The following RGS6 variants were observed in gnomAD, a reference collection of about 807,000 sequenced individuals.
The protein encoded by RGS6 is regulator of G protein signaling 6, also known as regulator of G-protein signaling 6.
Under a neutral mutation model 78.5 loss-of-function variants are expected in RGS6, and 30 were observed. The observed-to-expected ratio is 0.38, with a 90% CI of 0.29 to 0.52. The LOEUF is 0.52. Ranked by LOEUF, RGS6 falls within the 20% of genes least tolerant of loss-of-function variation. The pLI is 0.85. For synonymous variants in RGS6, 206 were observed against 206.0 expected, an observed-to-expected ratio of 1.00 and a Z score of 0.00; for missense variants, 495 against 609.7, an observed-to-expected ratio of 0.81 and a Z score of 1.98.
chr14:72,480,973 A>C (rs1404753116), intron 12 of RGS6, among the ~76,000 whole-genome samples: 1 of 152,172 alleles, frequency 6.6e-6, no homozygotes, highest in African/African-American at 2.4e-5. Context: ...GGTTGGACTA[A>C]AGGGTGCATC....
At chr14:72,137,708 T>G (rs1337833748) in intron 2 of RGS6, among the ~76,000 whole-genome samples, 5 of 152,228 alleles carry the variant, frequency 3.3e-5, no homozygotes, top group Admixed American at 3.3e-4. Context: ...GGAAGCATCC[T>G]GAGTGCAGGA....
rs183950353 is a variant in RGS6, at chr14:72,197,963, A to G, written c.85-154132A>G. Among the ~76,000 whole-genome samples the G allele has an allele frequency of 2.6e-3, 394 of 152,110 alleles. 1 individual carries two copies. The highest frequency in any genetic ancestry group is 9.3e-3 in the African/African-American group (385 of 41,540). On this transcript the variant is annotated intron_variant, in intron 2 of 17. Transcript: ENST00000553525. ...TAATATTTTATATTTTTCATATTATATAATTTTTGTTATTATATTTTAATT... is the reference window on the plus strand; with the variant it reads ...TAATATTTTATATTTTTCATATTATGTAATTTTTGTTATTATATTTTAATT...
At chr14:72,503,904 C>T (rs2096762891) in intron 13 of RGS6, among the ~76,000 whole-genome samples, 2 of 152,214 alleles carry the variant, frequency 1.3e-5, no homozygotes, top group Admixed American at 1.3e-4. Flanking sequence ...GGGTTCCTCA[C>T]CTGCAGCTCT....
intron 2 of RGS6, among the ~76,000 whole-genome samples, chr14:72,332,043 A>T (rs1007680785): frequency 1.3e-5 from 2 of 152,284 alleles, no homozygotes; most frequent in African/African-American, 4.8e-5. Context: ...CCTGTGAATT[A>T]TTTAACCGAA....
At chr14:72,087,684 G>A (rs1306011710) in intron 2 of RGS6, among the ~76,000 whole-genome samples, 2 of 151,780 alleles carry the variant, frequency 1.3e-5, no homozygotes, top group African/African-American at 2.4e-5. Flanking sequence ...TTATAGTTGG[G>A]GTGAGGTGAG....
the RGS6 span, among the ~76,000 whole-genome samples, chr14:72,603,339 A>G: frequency 1.3e-5 from 2 of 152,228 alleles, no homozygotes; most frequent in African/African-American, 4.8e-5. Context: ...GGCCCAGTCC[A>G]TTCTTAGCCA....
intron 2 of RGS6, among the ~76,000 whole-genome samples, chr14:72,055,053 C>A (rs1463032440): frequency 6.6e-6 from 1 of 152,124 alleles, no homozygotes; most frequent in Admixed American, 6.6e-5. Flanking sequence ...CAGGGTGTTT[C>A]CTGTTTTTGT....
chr14:71,945,547 T>C (rs1220262052), intron 1 of RGS6, among the ~76,000 whole-genome samples: 1 of 152,228 alleles, frequency 6.6e-6, no homozygotes, highest in East Asian at 1.9e-4. Flanking sequence ...ATTACACAGA[T>C]AGAAAGTTTT....
chr14:72,318,731 C>T (rs771269876), intron 2 of RGS6, among the ~76,000 whole-genome samples: 1 of 152,098 alleles, frequency 6.6e-6, no homozygotes, highest in Non-Finnish European at 1.5e-5. Context: ...CGCCAATAAG[C>T]CTTTGTTTGG....
At chr14:72,229,151 T>G (rs1444098980) in intron 2 of RGS6, among the ~76,000 whole-genome samples, 1 of 152,216 alleles carries the variant, frequency 6.6e-6, no homozygotes, top group African/African-American at 2.4e-5. Context: ...CTTGCAAATC[T>G]ATAGTAAAAT....
chr14:72,510,826 C>CA (rs1173707023), intron 14 of RGS6, among the ~76,000 whole-genome samples: 1 of 152,142 alleles, frequency 6.6e-6, no homozygotes, highest in African/African-American at 2.4e-5. Flanking sequence ...TGACTTCTGT[C>CA]GACTCCAAAT....
chr14:72,240,069 T>A (rs1370824852), intron 2 of RGS6, among the ~76,000 whole-genome samples: 2 of 151,990 alleles, frequency 1.3e-5, no homozygotes, highest in African/African-American at 2.4e-5. Context: ...GATGGCGGAG[T>A]GTTTCAACAT....
chr14:72,510,666 A>G (rs1461981819), intron 14 of RGS6, among the ~76,000 whole-genome samples: 3 of 152,256 alleles, frequency 2.0e-5, no homozygotes, highest in Admixed American at 2.0e-4. Context: ...GGTCCTGAAT[A>G]TCTGAGAAGC....
intron 17 of RGS6, chr14:72,550,394 GC>G (rs1490965541): frequency 1.3e-5 from 17 of 1,353,870 alleles, no homozygotes; most frequent in Non-Finnish European, 1.7e-5. Context: ...TCCACACCAT[GC>G]CCCTGGCTTT....
chr14:72,342,799 A>AT, intron 2 of RGS6, among the ~76,000 whole-genome samples: 1 of 151,166 alleles, frequency 6.6e-6, no homozygotes, highest in East Asian at 2.0e-4. Flanking sequence ...TCCCAGAGAG[A>AT]TCAAAAAAAA....
chr14:71,890,506 T>C, the RGS6 span, among the ~76,000 whole-genome samples: 1 of 152,208 alleles, frequency 6.6e-6, no homozygotes, highest in Non-Finnish European at 1.5e-5. Context: ...TTGATGAGCA[T>C]AGACCTTTGT....
intron 2 of RGS6, among the ~76,000 whole-genome samples, chr14:72,022,733 T>C (rs2088957677): frequency 1.3e-5 from 2 of 152,172 alleles, no homozygotes. Flanking sequence ...CAGGATTCTT[T>C]CATGCTTCCT....
chr14:72,178,656 G>A (rs1214129467), intron 2 of RGS6, among the ~76,000 whole-genome samples: 1 of 152,124 alleles, frequency 6.6e-6, no homozygotes, highest in African/African-American at 2.4e-5. Context: ...AGAAAGGGAA[G>A]GGTTTTGCCA....
intron 2 of RGS6, among the ~76,000 whole-genome samples, chr14:72,247,144 T>G (rs559499642): frequency 1.3e-5 from 2 of 152,228 alleles, no homozygotes; most frequent in Admixed American, 6.5e-5. Context: ...CTTTCTTTCT[T>G]CTCTGAATTC....
Sources: gnomAD v4.1 joint callset for allele counts (sites outside exome capture counted in the v4.1 genomes callset) on GRCh38, gnomAD v4.1.1 for gene constraint, MANE v1.5 for transcripts, NCBI Gene and HGNC (gene_info 2026-07-23, HGNC 2026-07-21) for gene names.